Variants in TMPRSS12 observed in about 807,000 individuals in gnomAD.
The protein encoded by TMPRSS12 is transmembrane protease serine 12.
A neutral mutation model predicts 26.0 loss-of-function variants in TMPRSS12; 25 were observed. The observed-to-expected ratio is 0.96, with a 90% CI of 0.70 to 1.34. The LOEUF is 1.34. Ranked by LOEUF, TMPRSS12 falls within the 40% of genes most tolerant of loss-of-function variation. The pLI, the probability that TMPRSS12 is intolerant of heterozygous loss-of-function variation, is 0.00. For synonymous variants in TMPRSS12, 150 were observed against 161.7 expected (o/e 0.93, Z 0.55); for missense variants, 441 against 440.1 (o/e 1.00, Z -0.02).
At chr12:50,859,294 C>T (rs1937913069) in intron 3 of TMPRSS12, among the ~76,000 whole-genome samples, 1 of 151,758 alleles carries the variant, frequency 6.6e-6, no homozygotes, top group Non-Finnish European at 1.5e-5. Flanking sequence ...CGGCTCACTG[C>T]AGCCTCCACC....
Position 50,874,497 on chromosome 12 carries a change from T to A in TMPRSS12, c.653-10749T>A, listed in dbSNP as rs77402261. On this transcript the variant is annotated intron_variant, in intron 3 of 4. Transcript: ENST00000398458. ...ACTGCAAATAATGTGGAAAATGTAT[T>A]TGATAAAATCCAACACCATTCTAAG... Among the ~76,000 whole-genome samples, 1,220 of 152,288 alleles carry A rather than the reference T, an allele frequency of 8.0e-3. 21 individuals carry two copies. The highest frequency in any genetic ancestry group is 0.027 in the African/African-American group (1,136 of 41,572).
intron 4 of TMPRSS12, chr12:50,886,113 G>T (rs916562634): frequency 1.3e-5 from 2 of 152,034 alleles, no homozygotes; most frequent in Non-Finnish European, 2.9e-5. Context: ...TTTACAGAAT[G>T]TCTATTTGGA....
In TMPRSS12 at chr12:50,876,526, C is replaced by T. The variant is rs144302918; in HGVS notation, c.653-8720C>T. 5.1e-3 allele frequency among the ~76,000 whole-genome samples: 770 copies of T among 152,200 alleles called. 1 individual carries two copies. Among genetic ancestry groups the T allele is most frequent in the Non-Finnish European group, 8.3e-3 (566 of 68,004 alleles). On this transcript the variant is annotated intron_variant, in intron 3 of 4. Transcript: ENST00000398458. ...CCCATCAACAATAGACTGGATAGGC[C>T]GGGTGCGGTGGCTCACGCCTGTAAT...
intron 3 of TMPRSS12, among the ~76,000 whole-genome samples, chr12:50,870,394 T>G (rs1193203105): frequency 3.3e-5 from 5 of 149,706 alleles, no homozygotes; most frequent in Non-Finnish European, 7.4e-5. Context: ...TTCGGCAAAA[T>G]CCAGCATCGT....
chr12:50,871,656 C>A (rs978512304), intron 3 of TMPRSS12, among the ~76,000 whole-genome samples: 1 of 152,040 alleles, frequency 6.6e-6, no homozygotes, highest in Non-Finnish European at 1.5e-5. Flanking sequence ...AACAGACAAC[C>A]CACAGAGTGA....
At chr12:50,880,193 T>G (rs558196773) in intron 3 of TMPRSS12, among the ~76,000 whole-genome samples, 1 of 151,912 alleles carries the variant, frequency 6.6e-6, no homozygotes, top group African/African-American at 2.4e-5. Flanking sequence ...AACCAGGAGT[T>G]TGAGACCAGC....
chr12:50,878,795 T>C (rs752797590), intron 3 of TMPRSS12, among the ~76,000 whole-genome samples: 2 of 152,322 alleles, frequency 1.3e-5, no homozygotes, highest in Admixed American at 6.5e-5. Flanking sequence ...CTATATTCAA[T>C]AGTGGTACAA....
intron 3 of TMPRSS12, among the ~76,000 whole-genome samples, chr12:50,868,733 G>A (rs1938014765): frequency 6.6e-6 from 1 of 152,106 alleles, no homozygotes; most frequent in East Asian, 1.9e-4. Flanking sequence ...CTCCAAGATA[G>A]ACCATCTGAT....
At chr12:50,884,807 G>T (rs1342027297) in intron 3 of TMPRSS12, among the ~76,000 whole-genome samples, 1 of 151,876 alleles carries the variant, frequency 6.6e-6, no homozygotes, top group Non-Finnish European at 1.5e-5. Context: ...GGGAGGCAGA[G>T]GTTGTAGTGA....
chr12:50,865,698 A>AG (rs1592220873), intron 3 of TMPRSS12, among the ~76,000 whole-genome samples: 1 of 139,902 alleles, frequency 7.1e-6, no homozygotes, highest in Non-Finnish European at 1.6e-5. Context: ...TGAACAACAA[A>AG]GAAAAAAAAA....
At chr12:50,860,934 T>C (rs867940578) in intron 3 of TMPRSS12, among the ~76,000 whole-genome samples, 19 of 152,194 alleles carry the variant, frequency 1.2e-4, no homozygotes, top group Admixed American at 2.0e-4. Context: ...TTTTAAGAGA[T>C]GGTCTTGCTG....
intron 3 of TMPRSS12, 110 bp from the exon 4 acceptor site, chr12:50,885,136 T>G (rs1037973904): frequency 2.6e-5 from 24 of 917,258 alleles, no homozygotes; most frequent in Non-Finnish European, 3.7e-5. Context: ...AATATAATTT[T>G]ACATAATTAT....
intron 2 of TMPRSS12, among the ~76,000 whole-genome samples, chr12:50,852,556 G>A (rs546006424): frequency 1.2e-4 from 18 of 152,120 alleles, no homozygotes; most frequent in East Asian, 7.7e-4. Flanking sequence ...GATTATAGGC[G>A]CCTGCCACCA....
Position 50,872,770 on chromosome 12 carries a change from C to T in TMPRSS12, c.653-12476C>T, listed in dbSNP as rs201855323. 5.9e-4 allele frequency among the ~76,000 whole-genome samples: 27 copies of T among 45,662 alleles called. 1 individual carries two copies. The highest frequency in any genetic ancestry group is 1.3e-3 in the East Asian group (2 of 1,508). The allele number at this position is 45,662 out of a possible 152,430, so 30.0% of individuals were successfully genotyped here. On this transcript the variant is annotated intron_variant, in intron 3 of 4. Transcript: ENST00000398458. ...CGTCTATATATGTACATATATATGACGTATATATGTACATATATATGACGT... is the reference window on the plus strand; with the variant it reads ...CGTCTATATATGTACATATATATGATGTATATATGTACATATATATGACGT...
Position 50,842,951 on chromosome 12 carries a change from C to A in TMPRSS12, c.-14C>A. Reference sequence around the variant, plus strand: ...GGGAAGTACCTGCCGCCATCTTGCTCACCAGCCTCCAAAATGCGGCTGGGG... The same window carrying A: ...GGGAAGTACCTGCCGCCATCTTGCTAACCAGCCTCCAAAATGCGGCTGGGG... On this transcript the variant is annotated 5_prime_UTR_variant, in exon 1 of 5. Transcript: ENST00000398458. 2 of 1,569,482 alleles carry A rather than the reference C, an allele frequency of 1.3e-6. No homozygotes were observed. Among genetic ancestry groups the A allele is most frequent in the South Asian group, 2.3e-5 (2 of 85,676 alleles).
At chr12:50,871,784 T>A (rs1285233921) in intron 3 of TMPRSS12, among the ~76,000 whole-genome samples, 1 of 152,046 alleles carries the variant, frequency 6.6e-6, no homozygotes, top group East Asian at 1.9e-4. Context: ...AAGACATGAA[T>A]AGGCAATTCT....
intron 3 of TMPRSS12, among the ~76,000 whole-genome samples, chr12:50,875,443 T>TGG: frequency 8.1e-6 from 1 of 124,162 alleles, no homozygotes; most frequent in Non-Finnish European, 1.6e-5. Context: ...TGAGCTGAGA[T>TGG]CATGCCACTG....
At chr12:50,843,186 C>T in intron 1 of TMPRSS12, 35 bp downstream of exon 1, 3 of 1,508,936 alleles carry the variant, frequency 2.0e-6, no homozygotes, top group Non-Finnish European at 2.7e-6. Flanking sequence ...TGGGGAGCCT[C>T]TCTTACCTTT....
chr12:50,843,888 T>C lies in TMPRSS12; in HGVS notation c.234T>C (p.Ile78=). 1 of 1,569,190 alleles carries C rather than the reference T, an allele frequency of 6.4e-7. No homozygotes were observed. The highest frequency in any genetic ancestry group is 8.6e-7 in the Non-Finnish European group (1 of 1,156,732). The change falls in exon 2 of 5, where the codon ATT becomes ATC. Residue 78 remains isoleucine, a synonymous_variant. Coordinates refer to ENST00000398458, the MANE Select transcript of TMPRSS12 (RefSeq NM_182559.3). ...AGGATGTGTTGCAAGGGTCTCGGATTATAGGGGGCACCGAAGCACAAGCTG... is the reference window on the plus strand; with the variant it reads ...AGGATGTGTTGCAAGGGTCTCGGATCATAGGGGGCACCGAAGCACAAGCTG... ...PLKDVLQGSR[I]IGGTEAQAGA... is the part of the protein sequence containing the mutation.
Sources: allele counts gnomAD v4.1 joint callset (sites outside exome capture counted in the v4.1 genomes callset), GRCh38; gene constraint gnomAD v4.1.1; transcripts MANE v1.5; gene names NCBI Gene and HGNC (gene_info 2026-07-23, HGNC 2026-07-21).